The following EED variants were observed in gnomAD, a reference collection of about 807,000 sequenced individuals.
The protein encoded by EED is embryonic ectoderm development.
EED carries 9 observed loss-of-function variants against 61.0 expected under a neutral mutation model. The ratio of observed to expected loss-of-function variants is 0.15; its 90% CI spans 0.09 to 0.26. The LOEUF is 0.26. Among genes scored for constraint, EED ranks in the 10% least tolerant of loss-of-function variants. The pLI is 1.00. For synonymous variants in EED, 187 were observed against 174.4 expected, an observed-to-expected ratio of 1.07 and a Z score of -0.57; for missense variants, 315 against 542.3, an observed-to-expected ratio of 0.58 and a Z score of 4.16.
intron 8 of EED, among the ~76,000 whole-genome samples, chr11:86,267,498 C>T (rs978824222): frequency 5.9e-5 from 9 of 152,250 alleles, no homozygotes; most frequent in African/African-American, 2.2e-4. Context: ...TTAATAGCAG[C>T]TTGTTTTGTT....
chr11:86,278,702 A>T lies in EED; in HGVS notation c.*177A>T. ...CATTCTTTGTACTGTCTTCCTGCTC[A>T]GACTCTACTGCTTTTAATAAAAATT... On this transcript the variant is annotated 3_prime_UTR_variant, in exon 12 of 12. Coordinates refer to ENST00000263360, the MANE Select transcript of EED (RefSeq NM_003797.5). 1 of 705,602 alleles carries T rather than the reference A, an allele frequency of 1.4e-6. No individual in the cohort carries two copies. Among genetic ancestry groups the T allele is most frequent in the Non-Finnish European group, 2.0e-6 (1 of 491,422 alleles). 43.7% of individuals were successfully genotyped at this position (705,602 alleles called of 1,614,324 possible).
At chr11:86,275,962 G>A (rs1318287349) in intron 9 of EED, among the ~76,000 whole-genome samples, 1 of 152,192 alleles carries the variant, frequency 6.6e-6, no homozygotes, top group Non-Finnish European at 1.5e-5. Flanking sequence ...AAATGCCTGT[G>A]AACCCCACAG....
chr11:86,276,941 C>T, intron 9 of EED, 39 bp from the exon 10 acceptor site: 2 of 1,443,386 alleles, frequency 1.4e-6, no homozygotes, highest in Non-Finnish European at 1.8e-6. Context: ...TTCAGTTCCT[C>T]ATTAACATTT....
At chr11:86,255,310 T>A (rs771696036) in intron 4 of EED, 23 bp downstream of exon 4, 1 of 1,581,180 alleles carries the variant, frequency 6.3e-7, no homozygotes, top group Non-Finnish European at 8.6e-7. Flanking sequence ...GGGTTTTTAA[T>A]ATCTTTAGTC....
the EED span, among the ~76,000 whole-genome samples, chr11:86,285,170 A>G: frequency 6.6e-6 from 1 of 152,204 alleles, no homozygotes; most frequent in Admixed American, 6.5e-5. Context: ...CTGTAATCGC[A>G]GCACTTTGGG....
intron 11 of EED, 40 bp from the exon 12 acceptor site, chr11:86,278,359 T>C (rs768439783): frequency 2.5e-6 from 4 of 1,599,780 alleles, no homozygotes; most frequent in East Asian, 2.2e-5. Flanking sequence ...CTGACAACGT[T>C]ATGTGTGGTC....
At chr11:86,268,765 T>C (rs185189695) in intron 9 of EED, among the ~76,000 whole-genome samples, 1 of 152,336 alleles carries the variant, frequency 6.6e-6, no homozygotes, top group African/African-American at 2.4e-5. Flanking sequence ...AAACATGCCA[T>C]TGAATTATAA....
chr11:86,279,026 A>C (rs996841353), downstream of EED, among the ~76,000 whole-genome samples: 17 of 152,200 alleles, frequency 1.1e-4, 1 homozygote, highest in African/African-American at 3.9e-4. Context: ...GTTATGTGTG[A>C]GACAGTTAGA....
chr11:86,269,022 G>A (rs957340738), intron 9 of EED, among the ~76,000 whole-genome samples: 11 of 151,984 alleles, frequency 7.2e-5, no homozygotes, highest in Admixed American at 7.2e-4. Context: ...ACTTATGATG[G>A]GATTACATCG....
chr11:86,260,643 TA>T (rs1473407698), intron 6 of EED, among the ~76,000 whole-genome samples: 1 of 152,236 alleles, frequency 6.6e-6, no homozygotes, highest in Admixed American at 6.5e-5. Flanking sequence ...CAGCTTACTG[TA>T]AAAATCATAA....
intron 5 of EED, among the ~76,000 whole-genome samples, chr11:86,257,037 CTT>C (rs111712382): frequency 4.1e-5 from 6 of 145,340 alleles, no homozygotes; most frequent in Non-Finnish European, 3.0e-5. Context: ...TTTTGAGCAT[CTT>C]TTTTTTTTTT....
chr11:86,271,953 G>C (rs1380494066), intron 9 of EED, among the ~76,000 whole-genome samples: 2 of 141,388 alleles, frequency 1.4e-5, no homozygotes, highest in East Asian at 4.2e-4. Context: ...TTTTTTTTTG[G>C]TACTGTTTTT....
chr11:86,258,857 CTATTTATT>C (rs571173237), intron 6 of EED, among the ~76,000 whole-genome samples: 3 of 149,106 alleles, frequency 2.0e-5, no homozygotes, highest in Admixed American at 6.7e-5. Flanking sequence ...CGTCCTGCCT[CTATTTATT>C]TATTTATTTA....
Position 86,278,542 on chromosome 11 carries a change from C to A in EED, c.*17C>A. The A allele has an allele frequency of 1.9e-6, 3 of 1,611,546 alleles. No homozygotes were observed. The highest frequency in any genetic ancestry group is 1.3e-5 in the African/African-American group (1 of 74,984). ...CTTCGATAAAATACTTTTGCCTAAT[C>A]AAAATTAGAGTGTGTTTGTTGTCTG... On this transcript the variant is annotated 3_prime_UTR_variant, in exon 12 of 12. Transcript: ENST00000263360.
intron 6 of EED, among the ~76,000 whole-genome samples, chr11:86,261,186 T>A (rs780566250): frequency 6.6e-6 from 1 of 152,194 alleles, no homozygotes; most frequent in East Asian, 1.9e-4. Flanking sequence ...AGGCATCTTA[T>A]CTATTTTCAA....
downstream of EED, among the ~76,000 whole-genome samples, chr11:86,279,457 A>G (rs941938422): frequency 9.8e-5 from 15 of 152,314 alleles, no homozygotes; most frequent in African/African-American, 3.6e-4. Context: ...TTTGTCTCCA[A>G]CATAAGGCAC....
intron 6 of EED, among the ~76,000 whole-genome samples, chr11:86,262,813 C>CTTTTT (rs34817049): frequency 1.4e-5 from 2 of 138,734 alleles, no homozygotes; most frequent in Admixed American, 7.3e-5. Context: ...CCTGGCCTGG[C>CTTTTT]TTTTTTTTTT....
intron 6 of EED, among the ~76,000 whole-genome samples, chr11:86,258,651 G>A (rs111795436): frequency 3.3e-5 from 5 of 151,272 alleles, no homozygotes; most frequent in African/African-American, 1.2e-4. Context: ...TGCCTCCCGG[G>A]TTTAAGAGAT....
downstream of EED, among the ~76,000 whole-genome samples, chr11:86,280,021 T>C (rs1946304942): frequency 1.3e-5 from 2 of 152,252 alleles, no homozygotes; most frequent in Admixed American, 6.5e-5. Context: ...CATGATTAAC[T>C]GGGTGAGAAT....
Sources: gnomAD v4.1 joint callset for allele counts (sites outside exome capture counted in the v4.1 genomes callset) on GRCh38, gnomAD v4.1.1 for gene constraint, MANE v1.5 for transcripts, NCBI Gene and HGNC (gene_info 2026-07-23, HGNC 2026-07-21) for gene names.